Variants in BRINP1 observed in about 807,000 individuals in gnomAD.
BRINP1 encodes the protein BMP/retinoic acid-inducible neural-specific protein 1.
Under a neutral mutation model 72.9 loss-of-function variants are expected in BRINP1, and 17 were observed. That is an observed-to-expected ratio of 0.23 (90% confidence interval 0.16 to 0.35). The LOEUF (loss-of-function observed/expected upper bound fraction) is 0.35, where lower values mean the gene tolerates loss of function less well. BRINP1 is among the 10% of genes least tolerant of loss of function. The pLI, the probability that BRINP1 is intolerant of heterozygous loss-of-function variation, is 1.00. For synonymous variants in BRINP1, 418 were observed against 378.5 expected (o/e 1.10, Z -1.21); for missense variants, 850 against 1,001.6 (o/e 0.85, Z 2.04).
chr9:119,185,905 G>GT (rs1339219575), intron 7 of BRINP1, among the ~76,000 whole-genome samples: 1 of 152,214 alleles, frequency 6.6e-6, no homozygotes, highest in African/African-American at 2.4e-5. Flanking sequence ...GCTAGAGTGT[G>GT]TTTTTCTCTA....
intron 2 of BRINP1, among the ~76,000 whole-genome samples, chr9:119,259,667 A>AT (rs1347536747): frequency 1.3e-5 from 2 of 152,166 alleles, no homozygotes; most frequent in South Asian, 2.1e-4. Flanking sequence ...AATTATATGA[A>AT]TTTTTTCCTT....
intron 1 of BRINP1, among the ~76,000 whole-genome samples, chr9:119,331,875 A>G (rs1831303234): frequency 6.6e-6 from 1 of 152,242 alleles, no homozygotes; most frequent in African/African-American, 2.4e-5. Flanking sequence ...AGACTTACCG[A>G]ATCATAAATC....
At chr9:119,282,897 C>T (rs1162771237) in intron 2 of BRINP1, 1 of 985,304 alleles carries the variant, frequency 1.0e-6, no homozygotes, top group Non-Finnish European at 1.2e-6. Flanking sequence ...GTACCGCAAA[C>T]ACAAAAGCTC....
intron 2 of BRINP1, among the ~76,000 whole-genome samples, chr9:119,308,105 A>G (rs1366442418): frequency 8.5e-5 from 13 of 152,272 alleles, no homozygotes; most frequent in Non-Finnish European, 7.3e-5. Context: ...TTAGCAATTA[A>G]CTTATCACTG....
chr9:119,280,889 G>A (rs566448276), intron 2 of BRINP1, among the ~76,000 whole-genome samples: 142 of 152,314 alleles, frequency 9.3e-4, no homozygotes, highest in African/African-American at 3.2e-3. Context: ...AGACTTCTGA[G>A]AGCAGGAATC....
intron 2 of BRINP1, among the ~76,000 whole-genome samples, chr9:119,289,214 G>A (rs1370286808): frequency 6.6e-6 from 1 of 152,220 alleles, no homozygotes; most frequent in Non-Finnish European, 1.5e-5. Flanking sequence ...CACAGAGGCA[G>A]GGCAATGTGA....
chr9:119,285,792 T>C (rs1192873794), intron 2 of BRINP1, among the ~76,000 whole-genome samples: 2 of 152,162 alleles, frequency 1.3e-5, no homozygotes, highest in Non-Finnish European at 2.9e-5. Flanking sequence ...GTATCTGGTA[T>C]CATTCAGGAA....
At chr9:119,344,374 G>T (rs921627051) in intron 1 of BRINP1, among the ~76,000 whole-genome samples, 2 of 152,084 alleles carry the variant, frequency 1.3e-5, no homozygotes, top group African/African-American at 4.8e-5. Context: ...GCTATATTCA[G>T]TTTGGCTAAT....
intron 1 of BRINP1, among the ~76,000 whole-genome samples, chr9:119,321,052 T>G (rs1321464672): frequency 4.6e-5 from 7 of 152,124 alleles, no homozygotes; most frequent in Non-Finnish European, 1.0e-4. Flanking sequence ...TGCCTCAGCT[T>G]CCCGAGTAGC....
chr9:119,322,372 G>A (rs1253234463), intron 1 of BRINP1, among the ~76,000 whole-genome samples: 1 of 152,214 alleles, frequency 6.6e-6, no homozygotes, highest in African/African-American at 2.4e-5. Context: ...GCCCTTGGCT[G>A]AACTGTGCTA....
intron 1 of BRINP1, among the ~76,000 whole-genome samples, chr9:119,315,300 A>AC (rs1253387007): frequency 6.6e-6 from 1 of 152,156 alleles, no homozygotes; most frequent in Non-Finnish European, 1.5e-5. Flanking sequence ...TCTTGGTGTC[A>AC]CATTTTGATA....
At chr9:119,211,240 C>T (rs892759218) in intron 6 of BRINP1, among the ~76,000 whole-genome samples, 2 of 151,596 alleles carry the variant, frequency 1.3e-5, no homozygotes, top group Non-Finnish European at 2.9e-5. Flanking sequence ...TCTTATTGCC[C>T]AGGCTGGAGT....
intron 7 of BRINP1, among the ~76,000 whole-genome samples, chr9:119,205,624 C>T (rs1272311979): frequency 6.6e-6 from 1 of 152,140 alleles, no homozygotes; most frequent in Non-Finnish European, 1.5e-5. Context: ...CCAGCTTTGT[C>T]CCTCCTTCTT....
chr9:119,309,813 T>C (rs1831042213), intron 2 of BRINP1, among the ~76,000 whole-genome samples: 1 of 152,118 alleles, frequency 6.6e-6, no homozygotes, highest in African/African-American at 2.4e-5. Context: ...GGGGCGTGGG[T>C]TATGTGGGGA....
chr9:119,333,462 CAAAAAAAA>C (rs544546221), intron 1 of BRINP1, among the ~76,000 whole-genome samples: 3 of 67,958 alleles, frequency 4.4e-5, no homozygotes, highest in African/African-American at 1.6e-4. Flanking sequence ...GACCTTGTTT[CAAAAAAAA>C]AAAAAAAAAA....
chr9:119,259,225 T>TCATTAGCC (rs1041180138), intron 2 of BRINP1, among the ~76,000 whole-genome samples: 33 of 152,300 alleles, frequency 2.2e-4, no homozygotes, highest in Middle Eastern at 3.4e-3. Flanking sequence ...ATAAAGCCAC[T>TCATTAGCC]CATTAGCCGA....
intron 2 of BRINP1, among the ~76,000 whole-genome samples, chr9:119,263,958 T>C (rs1336410467): frequency 6.6e-6 from 1 of 152,162 alleles, no homozygotes; most frequent in African/African-American, 2.4e-5. Context: ...TGAATGGATC[T>C]TCTCTCCTTT....
intron 1 of BRINP1, among the ~76,000 whole-genome samples, chr9:119,363,491 C>A (rs1831656546): frequency 6.6e-6 from 1 of 152,220 alleles, no homozygotes; most frequent in Non-Finnish European, 1.5e-5. Flanking sequence ...TCAGTTCCAA[C>A]ATCACTTTCT....
chr9:119,189,575 G>A (rs1327303490), intron 7 of BRINP1, among the ~76,000 whole-genome samples: 1 of 151,876 alleles, frequency 6.6e-6, no homozygotes, highest in Non-Finnish European at 1.5e-5. Flanking sequence ...AGAGAAAGAC[G>A]GTCATTGTAT....
Sources: allele counts gnomAD v4.1 joint callset (sites outside exome capture counted in the v4.1 genomes callset), GRCh38; gene constraint gnomAD v4.1.1; transcripts MANE v1.5; gene names NCBI Gene and HGNC (gene_info 2026-07-23, HGNC 2026-07-21).